Variants in TMEM68 observed in about 807,000 individuals in gnomAD.
TMEM68 encodes transmembrane protein 68, also known as DGAT1/2-independent enzyme synthesizing storage lipids.
A neutral mutation model predicts 36.9 loss-of-function variants in TMEM68; 25 were observed. The ratio of observed to expected loss-of-function variants is 0.68; its 90% CI spans 0.49 to 0.95. The LOEUF (loss-of-function observed/expected upper bound fraction) is 0.95. TMEM68 is among the 40% of genes least tolerant of loss of function. TMEM68 has a pLI of 0.00. For missense variants in TMEM68, 333 were observed against 392.0 expected (o/e 0.85, Z 1.27); for synonymous variants, 131 against 124.4 (o/e 1.05, Z -0.35).
At chr8:55,761,805 C>A (rs979072840) in intron 3 of TMEM68, 1 of 152,184 alleles carries the variant, frequency 6.6e-6, no homozygotes, top group Non-Finnish European at 1.5e-5. Flanking sequence ...TATATATCCT[C>A]AAGTGTCTTT....
intron 7 of TMEM68, among the ~76,000 whole-genome samples, chr8:55,740,841 G>A (rs1810079226): frequency 6.6e-6 from 1 of 152,172 alleles, no homozygotes; most frequent in South Asian, 2.1e-4. Flanking sequence ...TTACAGGCAT[G>A]AGTCATCATG....
intron 3 of TMEM68, 186 bp downstream of exon 3, chr8:55,762,449 T>C (rs1810823997): frequency 2.5e-6 from 3 of 1,193,374 alleles, no homozygotes; most frequent in Admixed American, 3.1e-5. Flanking sequence ...CCAACGTCTA[T>C]GGGAAAACTC....
At chr8:55,763,297 GAATAT>G (rs1441818085) in intron 2 of TMEM68, 1 of 172,416 alleles carries the variant, frequency 5.8e-6, no homozygotes, top group African/African-American at 2.4e-5. Flanking sequence ...AGCTGATGAG[GAATAT>G]AATTTCAGAT....
At chr8:55,756,498 A>G in intron 3 of TMEM68, 87 bp from the exon 4 acceptor site, 2 of 1,119,870 alleles carry the variant, frequency 1.8e-6, no homozygotes, top group Non-Finnish European at 1.2e-6. Flanking sequence ...GTCTTTTCTC[A>G]CAAAAGTACA....
chr8:55,747,369 T>C (rs1279679121), intron 5 of TMEM68: 1 of 151,730 alleles, frequency 6.6e-6, no homozygotes, highest in Non-Finnish European at 1.5e-5. Context: ...CTCAAAAAAA[T>C]TAAAAGTAAA....
At position 55,739,558 on chromosome 8, in the gene TMEM68, ATTATT is replaced by A. The variant is rs1252629980; in HGVS notation, c.*569_*573del. ...AAGGATTTTGACATTGTTTAAATTA[ATTATT>A]TTATTATTTTGGTTCAACAGTTATC... On this transcript the variant is annotated 3_prime_UTR_variant, in exon 8 of 8. Coordinates refer to ENST00000434581, the MANE Select transcript of TMEM68 (RefSeq NM_001286657.2). 6.6e-6 allele frequency: 1 copy of A among 152,644 alleles called. No homozygotes were observed. Among genetic ancestry groups the A allele is most frequent in the Admixed American group, 6.5e-5 (1 of 15,278 alleles). The allele number at this position is 152,644 out of a possible 1,614,324, so 9.5% of individuals were successfully genotyped here.
At chr8:55,762,565 T>C in intron 3 of TMEM68, 70 bp downstream of exon 3, 2 of 1,593,734 alleles carry the variant, frequency 1.3e-6, no homozygotes, top group South Asian at 1.1e-5. Context: ...ATCAATAAAA[T>C]GGAATGGTAA....
rs1211345624 is a variant in TMEM68, at chr8:55,773,371, C to A, written c.-217G>T. On this transcript the variant is annotated 5_prime_UTR_variant, in exon 1 of 8. Coordinates refer to ENST00000434581, the MANE Select transcript of TMEM68 (RefSeq NM_001286657.2). The stretch of plus-strand genomic sequence containing the variant: ...AGCAACCCGTGTGAAAGAAGCCAAG[C>A]GGCGGCTGCAGCCCGGGCCGCGATG... 7.3e-6 allele frequency: 3 copies of A among 410,630 alleles called. No homozygotes were observed. The highest frequency in any genetic ancestry group is 8.7e-6 in the Non-Finnish European group (2 of 229,694). The allele number at this position is 410,630 out of a possible 1,614,324, so 25.4% of individuals were successfully genotyped here.
intron 4 of TMEM68, among the ~76,000 whole-genome samples, chr8:55,754,787 T>C (rs1375436234): frequency 2.3e-5 from 1 of 43,962 alleles, no homozygotes; most frequent in East Asian, 1.4e-3. Context: ...ATATTATATA[T>C]AAAATACATA....
intron 4 of TMEM68, among the ~76,000 whole-genome samples, 199 bp downstream of exon 4, chr8:55,756,045 A>G (rs1810596831): frequency 6.6e-6 from 1 of 152,150 alleles, no homozygotes; most frequent in African/African-American, 2.4e-5. Flanking sequence ...ATTTTTGGCC[A>G]CAATGTCTTT....
At chr8:55,752,721 CTTTTT>C (rs61195952) in intron 4 of TMEM68, among the ~76,000 whole-genome samples, 8 of 102,750 alleles carry the variant, frequency 7.8e-5, no homozygotes, top group East Asian at 3.3e-4. Context: ...TATAGGATCC[CTTTTT>C]TTTTTTTTTT....
At chr8:55,770,598 C>G (rs969211249) in intron 1 of TMEM68, among the ~76,000 whole-genome samples, 2 of 151,816 alleles carry the variant, frequency 1.3e-5, no homozygotes, top group African/African-American at 4.8e-5. Context: ...TGCTTGAGCC[C>G]GTGGAGTGAA....
chr8:55,759,766 T>C (rs560082902), intron 3 of TMEM68, among the ~76,000 whole-genome samples: 1 of 152,320 alleles, frequency 6.6e-6, no homozygotes, highest in East Asian at 1.9e-4. Context: ...TCTTTAGAAA[T>C]TTCCTCATTC....
At chr8:55,745,559 C>T (rs1271258954) in intron 5 of TMEM68, 3 of 152,148 alleles carry the variant, frequency 2.0e-5, no homozygotes, top group Non-Finnish European at 4.4e-5. Flanking sequence ...TCACATAAAA[C>T]CTTGAAACTC....
At chr8:55,751,844 T>C (rs990050408) in intron 4 of TMEM68, among the ~76,000 whole-genome samples, 1 of 152,198 alleles carries the variant, frequency 6.6e-6, no homozygotes, top group Non-Finnish European at 1.5e-5. Flanking sequence ...ATACTGGAAC[T>C]TCTGAGGACT....
chr8:55,747,599 G>A (rs1166552613), intron 5 of TMEM68: 1 of 151,992 alleles, frequency 6.6e-6, no homozygotes, highest in African/African-American at 2.4e-5. Context: ...AAAGTGCTGG[G>A]ATTACAGGCA....
intron 1 of TMEM68, among the ~76,000 whole-genome samples, chr8:55,772,778 C>G (rs537092462): frequency 2.8e-4 from 43 of 152,282 alleles, no homozygotes; most frequent in African/African-American, 9.9e-4. Context: ...CAAGCCTGAT[C>G]GGTCTGGATA....
chr8:55,740,072 C>A lies in TMEM68; in HGVS notation c.*60G>T. ...GACCTACAAAATTCAGAAGACAGTACCTTAGATACAAACATTTAATATAAA... is the reference window on the plus strand; with the variant it reads ...GACCTACAAAATTCAGAAGACAGTAACTTAGATACAAACATTTAATATAAA... On this transcript the variant is annotated 3_prime_UTR_variant, in exon 8 of 8. Transcript: ENST00000434581. 8 of 1,372,150 alleles carry A rather than the reference C, an allele frequency of 5.8e-6. No homozygotes were observed. Among genetic ancestry groups the A allele is most frequent in the Non-Finnish European group, 8.2e-6 (8 of 978,060 alleles). The allele number at this position is 1,372,150 out of a possible 1,614,324, so 85.0% of individuals were successfully genotyped here.
intron 7 of TMEM68, among the ~76,000 whole-genome samples, chr8:55,742,101 T>C (rs1166702440): frequency 6.6e-6 from 1 of 152,098 alleles, no homozygotes; most frequent in South Asian, 2.1e-4. Context: ...TGATACAACA[T>C]AGATGAACCT....
Sources: gnomAD v4.1 joint callset for allele counts (sites outside exome capture counted in the v4.1 genomes callset) on GRCh38, gnomAD v4.1.1 for gene constraint, MANE v1.5 for transcripts, NCBI Gene and HGNC (gene_info 2026-07-23, HGNC 2026-07-21) for gene names.